WWOX: variants seen among roughly 807,000 people sequenced by gnomAD.
The protein encoded by WWOX is WW domain-containing oxidoreductase.
In WWOX, 69 loss-of-function variants were observed where a neutral mutation model predicts 46.2. That is an observed-to-expected ratio of 1.49 (90% confidence interval 1.23 to 1.82). The LOEUF (loss-of-function observed/expected upper bound fraction) is 1.82, where lower values mean the gene tolerates loss of function less well. Among genes scored for constraint, WWOX ranks in the 40% most tolerant of loss-of-function variants. WWOX has a pLI of 0.00. For synonymous variants in WWOX, 359 were observed against 202.6 expected, an observed-to-expected ratio of 1.77 and a Z score of -6.56; for missense variants, 919 against 542.6, an observed-to-expected ratio of 1.69 and a Z score of -6.89.
intron 8 of WWOX, among the ~76,000 whole-genome samples, chr16:78,613,868 C>T (rs1482053833): frequency 6.6e-6 from 1 of 152,198 alleles, no homozygotes; most frequent in African/African-American, 2.4e-5. Flanking sequence ...TTACAGGGGT[C>T]AGCAAATTCA....
intron 8 of WWOX, among the ~76,000 whole-genome samples, chr16:78,521,581 T>C (rs139053090): frequency 1.2e-4 from 19 of 152,222 alleles, no homozygotes; most frequent in African/African-American, 4.3e-4. Context: ...GTCATGCAAG[T>C]TGATGAATTA....
intron 8 of WWOX, among the ~76,000 whole-genome samples, chr16:78,647,635 A>C (rs1257562659): frequency 6.6e-6 from 1 of 152,200 alleles, no homozygotes; most frequent in African/African-American, 2.4e-5. Context: ...TCCTGAGGGC[A>C]TACTGAGTGC....
At chr16:78,373,607 T>A (rs1169580368) in intron 5 of WWOX, among the ~76,000 whole-genome samples, 1 of 152,032 alleles carries the variant, frequency 6.6e-6, no homozygotes, top group South Asian at 2.1e-4. Flanking sequence ...CTATCTGCAG[T>A]GTATCTTTTT....
At chr16:78,566,894 C>G (rs763635540) in intron 8 of WWOX, among the ~76,000 whole-genome samples, 2 of 152,100 alleles carry the variant, frequency 1.3e-5, no homozygotes, top group African/African-American at 4.8e-5. Flanking sequence ...AAAGGGGTCA[C>G]GTCTCTGTGA....
chr16:79,188,374 C>T (rs968945976), intron 8 of WWOX, among the ~76,000 whole-genome samples: 2 of 106,124 alleles, frequency 1.9e-5, no homozygotes, highest in African/African-American at 8.0e-5. Flanking sequence ...CTTGCAAATG[C>T]TCTCTCTCTT....
intron 8 of WWOX, among the ~76,000 whole-genome samples, chr16:78,728,549 T>C (rs1282065867): frequency 6.6e-6 from 1 of 152,190 alleles, no homozygotes; most frequent in East Asian, 1.9e-4. Context: ...AACTCCGCTG[T>C]CTAGTTGTAA....
In WWOX at chr16:78,768,196, A is replaced by G. The variant is rs180823688; in HGVS notation, c.1056+335444A>G. Among the ~76,000 whole-genome samples, 30 of 149,558 alleles carry G rather than the reference A, an allele frequency of 2.0e-4. 1 individual carries two copies. In the South Asian group the frequency reaches 5.1e-3, roughly 26 times the overall value. On this transcript the variant is annotated intron_variant, in intron 8 of 8. Transcript: ENST00000566780. ...ATTTTATAAGCAAAGAAGTACAGCC[A>G]GTATGATTCTGAAGCAACTAGGTCA...
intron 8 of WWOX, among the ~76,000 whole-genome samples, chr16:79,171,242 C>T (rs1227496767): frequency 6.6e-6 from 1 of 152,152 alleles, no homozygotes; most frequent in Non-Finnish European, 1.5e-5. Context: ...AGGGGTTGCT[C>T]AGAGGAGGAA....
chr16:78,578,583 T>C (rs72803970), intron 8 of WWOX, among the ~76,000 whole-genome samples: 58,070 of 151,416 alleles, frequency 0.38, 14,073 homozygotes, highest in African/African-American at 0.69. Context: ...CCACCGCGGC[T>C]GGCGAAAATT....
intron 8 of WWOX, among the ~76,000 whole-genome samples, chr16:78,889,706 A>T (rs771439532): frequency 2.0e-5 from 3 of 152,000 alleles, no homozygotes; most frequent in African/African-American, 7.2e-5. Flanking sequence ...GCAGGTGACA[A>T]TTTCTGCAGG....
intron 8 of WWOX, among the ~76,000 whole-genome samples, chr16:78,709,370 C>T (rs1169754571): frequency 1.3e-5 from 2 of 152,326 alleles, no homozygotes; most frequent in South Asian, 2.1e-4. Flanking sequence ...GGAAAGCCCG[C>T]GATTCTCGGC....
chr16:78,812,547 C>G (rs902760925), intron 8 of WWOX, among the ~76,000 whole-genome samples: 1 of 151,858 alleles, frequency 6.6e-6, no homozygotes, highest in Non-Finnish European at 1.5e-5. Context: ...CATGGCGAAA[C>G]TCCTTCTCTA....
At chr16:78,572,625 A>AAAAAC (rs2044745878) in intron 8 of WWOX, among the ~76,000 whole-genome samples, 1 of 151,152 alleles carries the variant, frequency 6.6e-6, no homozygotes, top group Non-Finnish European at 1.5e-5. Flanking sequence ...AAAAAAAAAA[A>AAAAAC]AGCATTTACA....
chr16:79,211,028 G>C (rs1052219911), intron 8 of WWOX, among the ~76,000 whole-genome samples: 2 of 57,096 alleles, frequency 3.5e-5, no homozygotes, highest in East Asian at 3.8e-4. Flanking sequence ...TGAATGTATG[G>C]TGAGGAGTGT....
At chr16:78,875,634 C>G (rs1041782533) in intron 8 of WWOX, among the ~76,000 whole-genome samples, 12 of 152,156 alleles carry the variant, frequency 7.9e-5, no homozygotes. Flanking sequence ...GTACATTTCA[C>G]CAGCCACCTT....
chr16:78,523,598 C>T (rs1425299484), intron 8 of WWOX, among the ~76,000 whole-genome samples: 1 of 152,288 alleles, frequency 6.6e-6, no homozygotes, highest in Non-Finnish European at 1.5e-5. Context: ...AAGAGTTATT[C>T]TTCCATATTT....
At chr16:78,546,649 T>A (rs1331672775) in intron 8 of WWOX, among the ~76,000 whole-genome samples, 1 of 152,214 alleles carries the variant, frequency 6.6e-6, no homozygotes, top group African/African-American at 2.4e-5. Context: ...TCCCTAAAGA[T>A]TCTGAGTTAG....
At chr16:78,741,535 G>T (rs2049228316) in intron 8 of WWOX, among the ~76,000 whole-genome samples, 1 of 151,898 alleles carries the variant, frequency 6.6e-6, no homozygotes, top group African/African-American at 2.4e-5. Context: ...CCCAGCCTGG[G>T]CGACAGAGTG....
At chr16:78,589,898 TCTTTA>T (rs1378962328) in intron 8 of WWOX, among the ~76,000 whole-genome samples, 5 of 151,938 alleles carry the variant, frequency 3.3e-5, no homozygotes, top group Non-Finnish European at 7.4e-5. Flanking sequence ...GGGAAGAGGG[TCTTTA>T]CTTAGGGAGT....
Sources: gnomAD v4.1 joint callset for allele counts (sites outside exome capture counted in the v4.1 genomes callset) on GRCh38, gnomAD v4.1.1 for gene constraint, MANE v1.5 for transcripts, NCBI Gene and HGNC (gene_info 2026-07-23, HGNC 2026-07-21) for gene names.